Variants in EPHA6 observed in about 807,000 individuals in gnomAD.
EPHA6 encodes the protein ephrin type-A receptor 6.
Under a neutral mutation model 112.0 loss-of-function variants are expected in EPHA6, and 50 were observed. That is an observed-to-expected ratio of 0.45 (90% confidence interval 0.36 to 0.56). The LOEUF (loss-of-function observed/expected upper bound fraction) is 0.56, where lower values mean the gene tolerates loss of function less well. EPHA6 is among the 20% of genes least tolerant of loss of function. The pLI, the probability that EPHA6 is intolerant of heterozygous loss-of-function variation, is 0.00. For synonymous variants in EPHA6, 529 were observed against 490.7 expected (o/e 1.08, Z -1.03); for missense variants, 1,280 against 1,417.4 (o/e 0.90, Z 1.56).
chr3:97,187,704 A>G (rs534232785), intron 3 of EPHA6, among the ~76,000 whole-genome samples: 1 of 142,450 alleles, frequency 7.0e-6, no homozygotes, highest in Non-Finnish European at 1.5e-5. Context: ...AAAGAAAGAA[A>G]GAAAGAAAGA....
chr3:97,471,035 T>C (rs941412547), intron 7 of EPHA6, among the ~76,000 whole-genome samples: 10 of 151,758 alleles, frequency 6.6e-5, no homozygotes, highest in African/African-American at 2.2e-4. Flanking sequence ...CTGCTCAGGA[T>C]TGAAAAAACT....
intron 2 of EPHA6, among the ~76,000 whole-genome samples, chr3:96,923,210 T>A (rs1279798136): frequency 6.6e-6 from 1 of 152,190 alleles, no homozygotes. Context: ...TTTGAGGAAT[T>A]GCTACACTGT....
intron 6 of EPHA6, among the ~76,000 whole-genome samples, chr3:97,415,418 A>G (rs1408756433): frequency 2.6e-5 from 4 of 152,018 alleles, no homozygotes; most frequent in Admixed American, 6.6e-5. Context: ...AGCTGGTAAA[A>G]TTTTCTAAAA....
chr3:97,227,673 C>G (rs1191445995), intron 4 of EPHA6, among the ~76,000 whole-genome samples: 2 of 152,130 alleles, frequency 1.3e-5, no homozygotes, highest in African/African-American at 4.8e-5. Context: ...TTAAATAACG[C>G]TATAGGAGTC....
At chr3:96,888,135 G>T (rs1004584642) in intron 2 of EPHA6, among the ~76,000 whole-genome samples, 13 of 152,094 alleles carry the variant, frequency 8.5e-5, no homozygotes, top group African/African-American at 3.1e-4. Flanking sequence ...TAGATTGCTA[G>T]AAGGTTCAGC....
At chr3:97,634,939 C>CTT (rs35992095) in intron 13 of EPHA6, among the ~76,000 whole-genome samples, 4 of 143,784 alleles carry the variant, frequency 2.8e-5, no homozygotes, top group Non-Finnish European at 4.6e-5. Flanking sequence ...GAAAACCTAG[C>CTT]TTTTTTTTTT....
At chr3:96,964,929 C>G (rs2042069983) in intron 2 of EPHA6, among the ~76,000 whole-genome samples, 1 of 152,076 alleles carries the variant, frequency 6.6e-6, no homozygotes, top group South Asian at 2.1e-4. Context: ...GAGCAATGAA[C>G]AATTCACGAA....
Position 97,508,031 on chromosome 3 carries a change from T to C in EPHA6, c.2200+23972T>C, listed in dbSNP as rs76589348. On this transcript the variant is annotated intron_variant, in intron 10 of 17. Transcript: ENST00000389672. Reference sequence around the variant, plus strand: ...TCTACTTTATCATTTTTTGGGTGTGTCTATTTGATTCTTTTCTCTTTTCTT... The same window carrying C: ...TCTACTTTATCATTTTTTGGGTGTGCCTATTTGATTCTTTTCTCTTTTCTT... Among the ~76,000 whole-genome samples the C allele has an allele frequency of 8.7e-4, 133 of 152,240 alleles. 1 individual carries two copies. Among genetic ancestry groups the C allele is most frequent in the East Asian group, 5.8e-4 (3 of 5,174 alleles).
chr3:96,983,237 G>C (rs184067689), intron 2 of EPHA6, among the ~76,000 whole-genome samples: 1 of 152,088 alleles, frequency 6.6e-6, no homozygotes, highest in Non-Finnish European at 1.5e-5. Context: ...AGCTCTTGTA[G>C]GGCAGGCCTG....
rs181614155 is a variant in EPHA6 at position 97,407,676 on chromosome 3, G to A, written c.1731+2402G>A. 2.3e-3 allele frequency among the ~76,000 whole-genome samples: 343 copies of A among 151,942 alleles called. 1 individual carries two copies. The highest frequency in any genetic ancestry group is 7.8e-3 in the African/African-American group (325 of 41,458). ...AGTGAATACAGCTTGACTATGAAAG[G>A]CACTTTAAAATAATATGGGAAGTCA... On this transcript the variant is annotated intron_variant, in intron 6 of 17. Coordinates refer to ENST00000389672, the MANE Select transcript of EPHA6 (RefSeq NM_001080448.3).
intron 12 of EPHA6, among the ~76,000 whole-genome samples, chr3:97,604,800 C>T (rs1441880448): frequency 6.6e-6 from 1 of 151,562 alleles, no homozygotes; most frequent in African/African-American, 2.4e-5. Flanking sequence ...GATAATATAA[C>T]TAATTTAGGA....
At chr3:97,341,960 T>C (rs2083327218) in intron 5 of EPHA6, among the ~76,000 whole-genome samples, 1 of 152,156 alleles carries the variant, frequency 6.6e-6, no homozygotes, top group African/African-American at 2.4e-5. Flanking sequence ...CAAAAAAATG[T>C]AGACATATAT....
intron 3 of EPHA6, among the ~76,000 whole-genome samples, chr3:97,213,120 C>T (rs1266258227): frequency 6.6e-6 from 1 of 152,124 alleles, no homozygotes; most frequent in Admixed American, 6.6e-5. Context: ...TTATGGATTG[C>T]TTTTCTAAGC....
At chr3:96,994,435 T>C (rs533951851) in intron 3 of EPHA6, among the ~76,000 whole-genome samples, 7 of 152,090 alleles carry the variant, frequency 4.6e-5, no homozygotes, top group Non-Finnish European at 8.8e-5. Context: ...TTGCAAAGTA[T>C]TATGCTAATT....
intron 3 of EPHA6, among the ~76,000 whole-genome samples, chr3:97,194,772 A>G (rs2077396713): frequency 6.6e-6 from 1 of 150,794 alleles, no homozygotes; most frequent in South Asian, 2.1e-4. Flanking sequence ...TATATTTACA[A>G]CTGTTATATC....
intron 6 of EPHA6, among the ~76,000 whole-genome samples, chr3:97,443,359 C>CAA (rs5851066): frequency 0.024 from 1,631 of 68,062 alleles, 49 homozygotes; most frequent in African/African-American, 0.072. Context: ...TAAGACATCG[C>CAA]AAAAAAAAAA....
Position 97,750,370 on chromosome 3 carries a change from T to C in EPHA6, c.*1669T>C, listed in dbSNP as rs2035869196. ...TTTTTGTTGTTCGTTTGTTTGTTTT[T>C]GAGACGGAGGCGTTTTGCTCTTGTT... is the stretch of plus-strand genomic sequence containing the variant. On this transcript the variant is annotated 3_prime_UTR_variant, in exon 18 of 18. Transcript: ENST00000389672. Among the ~76,000 whole-genome samples the C allele has an allele frequency of 6.6e-6, 1 of 152,064 alleles. No individual in the cohort carries two copies. Among genetic ancestry groups the C allele is most frequent in the African/African-American group, 2.4e-5 (1 of 41,406 alleles).
At chr3:97,317,951 C>T (rs2081926133) in intron 5 of EPHA6, among the ~76,000 whole-genome samples, 1 of 151,904 alleles carries the variant, frequency 6.6e-6, no homozygotes. Context: ...AGTGGGGAGA[C>T]TTAAATTGAG....
intron 3 of EPHA6, among the ~76,000 whole-genome samples, chr3:97,220,524 G>A (rs2078163338): frequency 6.6e-6 from 1 of 152,296 alleles, no homozygotes; most frequent in South Asian, 2.1e-4. Context: ...TACAATCATG[G>A]CAGAAGGCAA....
Sources: allele counts gnomAD v4.1 joint callset (sites outside exome capture counted in the v4.1 genomes callset), GRCh38; gene constraint gnomAD v4.1.1; transcripts MANE v1.5; gene names NCBI Gene and HGNC (gene_info 2026-07-23, HGNC 2026-07-21).